PRMT8: variants seen among roughly 807,000 people sequenced by gnomAD.
PRMT8 encodes the protein protein arginine N-methyltransferase 8.
A neutral mutation model predicts 47.1 loss-of-function variants in PRMT8; 7 were observed. The observed-to-expected ratio is 0.15, with a 90% CI of 0.08 to 0.28. PRMT8 has a LOEUF of 0.28. Ranked by LOEUF, PRMT8 falls within the 10% of genes least tolerant of loss-of-function variation. PRMT8 has a pLI of 1.00. For synonymous variants in PRMT8, 188 were observed against 186.5 expected, an observed-to-expected ratio of 1.01 and a Z score of -0.07; for missense variants, 237 against 505.4, an observed-to-expected ratio of 0.47 and a Z score of 5.09.
At chr12:3,517,871 G>A (rs1336378168) in intron 1 of PRMT8, among the ~76,000 whole-genome samples, 1 of 152,176 alleles carries the variant, frequency 6.6e-6, no homozygotes, top group South Asian at 2.1e-4. Flanking sequence ...CTGGCCTAAA[G>A]AGCCTATTTG....
At chr12:3,462,136 T>C (rs1394992893) in intron 1 of PRMT8, among the ~76,000 whole-genome samples, 2 of 152,020 alleles carry the variant, frequency 1.3e-5, no homozygotes, top group Non-Finnish European at 2.9e-5. Context: ...AAGTGAGAAC[T>C]TGCGGTATTT....
rs1425204700 is a variant in PRMT8, at chr12:3,537,840, A to G, written c.76-2766A>G. On this transcript the variant is annotated intron_variant, in intron 1 of 9. Coordinates refer to ENST00000382622, the MANE Select transcript of PRMT8 (RefSeq NM_019854.5). ...ATTATTTCTTGACTGGACTTTGAACATAGCCTCCAAAGTTCATACTTTGCC... is the reference window on the plus strand; with the variant it reads ...ATTATTTCTTGACTGGACTTTGAACGTAGCCTCCAAAGTTCATACTTTGCC... 2.6e-5 allele frequency among the ~76,000 whole-genome samples: 4 copies of G among 152,118 alleles called. No homozygotes were observed. The East Asian group carries it at 7.7e-4, about 29-fold the overall frequency.
chr12:3,506,233 G>T (rs1029050344), intron 1 of PRMT8, among the ~76,000 whole-genome samples: 13 of 152,182 alleles, frequency 8.5e-5, no homozygotes, highest in Non-Finnish European at 7.3e-5. Flanking sequence ...GGTTATCATA[G>T]GGACTAAGTG....
intron 1 of PRMT8, among the ~76,000 whole-genome samples, chr12:3,418,330 G>C (rs1376464847): frequency 6.6e-6 from 1 of 152,214 alleles, no homozygotes; most frequent in Non-Finnish European, 1.5e-5. Flanking sequence ...GAATTGCAAG[G>C]TGTTTTAGAG....
At chr12:3,526,132 G>A (rs949314866) in intron 1 of PRMT8, among the ~76,000 whole-genome samples, 3 of 152,096 alleles carry the variant, frequency 2.0e-5, no homozygotes, top group Non-Finnish European at 4.4e-5. Context: ...TTGTCTTTTC[G>A]TGTCTGGCTT....
intron 2 of PRMT8, among the ~76,000 whole-genome samples, chr12:3,544,752 A>T (rs375340835): frequency 7.1e-4 from 108 of 152,208 alleles, no homozygotes; most frequent in African/African-American, 2.5e-3. Flanking sequence ...TACCATACGG[A>T]TGTTTCTTTA....
intron 1 of PRMT8, among the ~76,000 whole-genome samples, chr12:3,471,219 C>T (rs945851401): frequency 2.0e-5 from 3 of 151,764 alleles, no homozygotes; most frequent in Non-Finnish European, 4.4e-5. Context: ...GTCACTGTGG[C>T]GGGAAGGAGA....
chr12:3,544,370 CA>C (rs1866288846), intron 2 of PRMT8, among the ~76,000 whole-genome samples: 3 of 152,070 alleles, frequency 2.0e-5, no homozygotes, highest in Admixed American at 2.0e-4. Flanking sequence ...GAGACTTGGC[CA>C]AAAAAGCGAC....
chr12:3,401,094 C>T (rs542186699), intron 1 of PRMT8, among the ~76,000 whole-genome samples: 6 of 136,750 alleles, frequency 4.4e-5, no homozygotes, highest in Admixed American at 1.6e-4. Context: ...TTGTGGTGAG[C>T]TGAGATCGCA....
At chr12:3,554,433 C>G (rs1290019431) in intron 4 of PRMT8, among the ~76,000 whole-genome samples, 3 of 152,250 alleles carry the variant, frequency 2.0e-5, no homozygotes, top group Non-Finnish European at 2.9e-5. Context: ...GAAAGGCAGA[C>G]AGGGCACTAG....
chr12:3,400,360 A>T (rs1864304346), intron 1 of PRMT8, among the ~76,000 whole-genome samples: 1 of 152,216 alleles, frequency 6.6e-6, no homozygotes, highest in South Asian at 2.1e-4. Flanking sequence ...AATACAAACA[A>T]CCATCAGAAA....
At chr12:3,459,366 C>T (rs1352484970) in intron 1 of PRMT8, among the ~76,000 whole-genome samples, 1 of 152,124 alleles carries the variant, frequency 6.6e-6, no homozygotes, top group Admixed American at 6.5e-5. Flanking sequence ...TTGAAGCCAA[C>T]ATTGAAAAAG....
intron 1 of PRMT8, among the ~76,000 whole-genome samples, chr12:3,446,532 G>C (rs2067456159): frequency 6.6e-6 from 1 of 152,184 alleles, no homozygotes; most frequent in South Asian, 2.1e-4. Flanking sequence ...AGGGACCCAA[G>C]TCCCTGGTCT....
chr12:3,426,802 T>A (rs1303731038), intron 1 of PRMT8, among the ~76,000 whole-genome samples: 1 of 152,136 alleles, frequency 6.6e-6, no homozygotes, highest in Non-Finnish European at 1.5e-5. Flanking sequence ...GGGGTGGCGC[T>A]TTCTTGACTC....
At chr12:3,484,554 G>C (rs1443563908) in intron 1 of PRMT8, among the ~76,000 whole-genome samples, 2 of 152,202 alleles carry the variant, frequency 1.3e-5, no homozygotes, top group Admixed American at 1.3e-4. Flanking sequence ...TATGTCCCAG[G>C]AACTGTGCCA....
At chr12:3,577,944 C>T (rs2137220810) in intron 7 of PRMT8, among the ~76,000 whole-genome samples, 1 of 152,306 alleles carries the variant, frequency 6.6e-6, no homozygotes, top group East Asian at 1.9e-4. Flanking sequence ...CGCCTCCCTC[C>T]AGCCCCATCC....
intron 1 of PRMT8, among the ~76,000 whole-genome samples, chr12:3,520,914 T>G (rs541750413): frequency 2.0e-5 from 3 of 152,232 alleles, no homozygotes; most frequent in Admixed American, 6.5e-5. Flanking sequence ...AAACAAGTTG[T>G]AAAAAGCCAC....
At chr12:3,478,840 A>C (rs1412320769) in intron 1 of PRMT8, among the ~76,000 whole-genome samples, 2 of 152,260 alleles carry the variant, frequency 1.3e-5, no homozygotes, top group African/African-American at 4.8e-5. Context: ...ATCATGTCCC[A>C]AGGTTGGCAT....
intron 1 of PRMT8, among the ~76,000 whole-genome samples, chr12:3,384,795 C>T (rs1040272471): frequency 6.6e-6 from 1 of 152,100 alleles, no homozygotes; most frequent in African/African-American, 2.4e-5. Context: ...GTAGTTCTTA[C>T]CAGGGGCCCT....
Sources: allele counts gnomAD v4.1 joint callset (sites outside exome capture counted in the v4.1 genomes callset), GRCh38; gene constraint gnomAD v4.1.1; transcripts MANE v1.5; gene names NCBI Gene and HGNC (gene_info 2026-07-23, HGNC 2026-07-21).